The following TPTE2 variants were observed in gnomAD, a reference collection of about 807,000 sequenced individuals.
TPTE2 encodes phosphatidylinositol 3,4,5-trisphosphate 3-phosphatase TPTE2.
TPTE2 carries 53 observed loss-of-function variants against 78.6 expected under a neutral mutation model. The observed-to-expected ratio is 0.67, with a 90% CI of 0.54 to 0.85. The LOEUF (loss-of-function observed/expected upper bound fraction) is 0.85, where lower values mean the gene tolerates loss of function less well. Among genes scored for constraint, TPTE2 ranks in the 40% least tolerant of loss-of-function variants. TPTE2 has a pLI of 0.00. For synonymous variants in TPTE2, 175 were observed against 206.2 expected (o/e 0.85, Z 1.30); for missense variants, 461 against 623.0 (o/e 0.74, Z 2.77).
At chr13:19,478,250 C>T (rs1263740769) in intron 4 of TPTE2, among the ~76,000 whole-genome samples, 1 of 151,608 alleles carries the variant, frequency 6.6e-6, no homozygotes, top group Non-Finnish European at 1.5e-5. Flanking sequence ...AAAATTTTTG[C>T]AATCTACTCA....
chr13:19,452,863 T>C (rs143622891), intron 10 of TPTE2, among the ~76,000 whole-genome samples: 3,722 of 152,206 alleles, frequency 0.024, 65 homozygotes, highest in Middle Eastern at 0.051. Flanking sequence ...TTGATTATAG[T>C]GACACTTAAA....
chr13:19,477,029 C>T (rs1879997985), intron 4 of TPTE2, among the ~76,000 whole-genome samples: 1 of 151,858 alleles, frequency 6.6e-6, no homozygotes, highest in Non-Finnish European at 1.5e-5. Context: ...TACTATGCAG[C>T]CATAAAAAAA....
At chr13:19,439,403 A>G (rs1309192981) in intron 13 of TPTE2, among the ~76,000 whole-genome samples, 51 of 152,018 alleles carry the variant, frequency 3.4e-4, no homozygotes, top group East Asian at 2.7e-3. Flanking sequence ...CTCTAGGGAG[A>G]AGGGAAAGGG....
At chr13:19,503,422 A>AT (rs1470804326), upstream of TPTE2, 3 of 829,318 alleles carry the variant, frequency 3.6e-6, no homozygotes, top group Non-Finnish European at 5.6e-6. Flanking sequence ...CTGAAATGTC[A>AT]TTTTTTTATT....
intron 10 of TPTE2, among the ~76,000 whole-genome samples, chr13:19,455,631 T>C (rs1271787982): frequency 6.6e-6 from 1 of 152,146 alleles, no homozygotes. Context: ...GAAAACTACA[T>C]ATCCCTCATG....
chr13:19,438,685 T>C (rs1877281891), intron 13 of TPTE2, among the ~76,000 whole-genome samples: 2 of 152,204 alleles, frequency 1.3e-5, no homozygotes, highest in Non-Finnish European at 2.9e-5. Context: ...TTTTCCAAGA[T>C]GGCAGATTAC....
intron 1 of TPTE2, among the ~76,000 whole-genome samples, chr13:19,531,763 C>A (rs892440139): frequency 5.9e-5 from 9 of 151,918 alleles, no homozygotes; most frequent in African/African-American, 2.2e-4. Context: ...CCCATCTCTA[C>A]TAAAAATACA....
the TPTE2 span, chr13:19,561,152 GC>G: frequency 6.3e-7 from 1 of 1,594,700 alleles, no homozygotes; most frequent in African/African-American, 1.3e-5. Context: ...AGGGGCCAGG[GC>G]CACAGGAGGC....
intron 15 of TPTE2, among the ~76,000 whole-genome samples, chr13:19,434,035 C>T (rs2137483306): frequency 6.6e-6 from 1 of 152,296 alleles, no homozygotes; most frequent in Non-Finnish European, 1.5e-5. Context: ...GCTTCCTTCT[C>T]CTACAACTTA....
intron 19 of TPTE2, among the ~76,000 whole-genome samples, chr13:19,424,238 T>C (rs1419749542): frequency 6.6e-6 from 1 of 152,224 alleles, no homozygotes; most frequent in Non-Finnish European, 1.5e-5. Context: ...AAGAGTATGG[T>C]TGATACAAAA....
the TPTE2 span, chr13:19,561,043 G>T: frequency 6.3e-7 from 1 of 1,575,414 alleles, no homozygotes. Context: ...TGGACAGGGA[G>T]CTGAGCACCA....
At chr13:19,426,815 G>A (rs1036787944) in intron 17 of TPTE2, among the ~76,000 whole-genome samples, 1 of 150,964 alleles carries the variant, frequency 6.6e-6, no homozygotes, top group African/African-American at 2.4e-5. Context: ...AGTGATTCTT[G>A]TGCCTCAGCC....
intron 1 of TPTE2, among the ~76,000 whole-genome samples, chr13:19,511,852 CTT>C (rs35102447): frequency 1.3e-4 from 20 of 151,102 alleles, no homozygotes; most frequent in African/African-American, 4.4e-4. Context: ...AGAAAAACCA[CTT>C]TTTTTAAAAA....
At chr13:19,438,174 G>T in intron 13 of TPTE2, 21 bp from the exon 17 acceptor site, 4 of 1,605,234 alleles carry the variant, frequency 2.5e-6, no homozygotes, top group Middle Eastern at 1.7e-4. Flanking sequence ...AAAGAAGTTA[G>T]TTCAAGAACA....
chr13:19,497,127 C>G lies in TPTE2; in HGVS notation c.12-3626G>C, dbSNP rs987200599. ...AACGGTGCACCGCGAGATTATATCC[C>G]GCACCTGTCTTGGAGGGTCCTACGC... On this transcript the variant is annotated intron_variant, in intron 1 of 19. Coordinates refer to ENST00000400230, the Ensembl canonical transcript of TPTE2. Among the ~76,000 whole-genome samples the G allele has an allele frequency of 1.5e-4, 23 of 152,078 alleles. 2 individuals are homozygous for G. The South Asian group carries it at 3.8e-3, about 25-fold the overall frequency.
At chr13:19,540,805 TTC>T (rs1432603792), upstream of TPTE2, among the ~76,000 whole-genome samples, 21 of 152,346 alleles carry the variant, frequency 1.4e-4, no homozygotes, top group Middle Eastern at 6.8e-3. Flanking sequence ...GCCAAATAAA[TTC>T]TGTTAATTCT....
At chr13:19,458,787 G>A (rs1878705469) in intron 10 of TPTE2, 1 of 367,292 alleles carries the variant, frequency 2.7e-6, no homozygotes, top group Admixed American at 3.0e-5. Context: ...CCCACTCTAT[G>A]TACCATATTT....
chr13:19,428,238 C>T (rs752898844), intron 17 of TPTE2, among the ~76,000 whole-genome samples: 17 of 152,218 alleles, frequency 1.1e-4, no homozygotes, highest in Admixed American at 2.6e-4. Flanking sequence ...CACCTGAGGT[C>T]GGGAGTTTGA....
At chr13:19,522,797 GTAT>G (rs1395950284) in intron 1 of TPTE2, among the ~76,000 whole-genome samples, 1 of 150,638 alleles carries the variant, frequency 6.6e-6, no homozygotes, top group Admixed American at 6.6e-5. Context: ...TAATTTTTTT[GTAT>G]TTTTTTTAGT....
Sources: allele counts gnomAD v4.1 joint callset (sites outside exome capture counted in the v4.1 genomes callset), GRCh38; gene constraint gnomAD v4.1.1; transcripts MANE v1.5; gene names NCBI Gene and HGNC (gene_info 2026-07-23, HGNC 2026-07-21).